The following DLG2 variants were observed in gnomAD, a reference collection of about 807,000 sequenced individuals.
DLG2 encodes discs large MAGUK scaffold protein 2, also known as disks large homolog 2.
In DLG2, 45 loss-of-function variants were observed where a neutral mutation model predicts 132.5. That is an observed-to-expected ratio of 0.34 (90% CI 0.27 to 0.44). The LOEUF (loss-of-function observed/expected upper bound fraction) is 0.44, where lower values mean the gene tolerates loss of function less well. Ranked by LOEUF, DLG2 falls within the 20% of genes least tolerant of loss-of-function variation. DLG2 has a pLI of 1.00. For synonymous variants in DLG2, 424 were observed against 419.6 expected (o/e 1.01, Z -0.13); for missense variants, 1,045 against 1,196.9 (o/e 0.87, Z 1.87).
At chr11:85,477,026 A>G (rs78206211) in intron 3 of DLG2, among the ~76,000 whole-genome samples, 3,839 of 152,266 alleles carry the variant, frequency 0.025, 78 homozygotes, top group South Asian at 0.056. Context: ...CAATACAATG[A>G]CAAGAGTAAT....
chr11:84,229,595 G>T (rs189779045), intron 8 of DLG2, among the ~76,000 whole-genome samples: 4 of 152,204 alleles, frequency 2.6e-5, no homozygotes. Context: ...AGAAGGTCTG[G>T]GTTGGGCCTC....
chr11:83,783,869 T>C (rs1000247495), intron 18 of DLG2, among the ~76,000 whole-genome samples: 5 of 152,156 alleles, frequency 3.3e-5, no homozygotes, highest in Admixed American at 3.3e-4. Flanking sequence ...GAAATACTGC[T>C]GCTAAGATCA....
chr11:85,344,968 CA>C (rs902549812), intron 3 of DLG2, among the ~76,000 whole-genome samples: 17 of 143,704 alleles, frequency 1.2e-4, no homozygotes, highest in East Asian at 2.0e-4. Context: ...TAATTTTAAA[CA>C]AAAAAAAAAC....
chr11:83,598,151 A>G (rs1407671432), intron 19 of DLG2, among the ~76,000 whole-genome samples: 2 of 152,242 alleles, frequency 1.3e-5, no homozygotes, highest in African/African-American at 4.8e-5. Flanking sequence ...TGCATGGGCA[A>G]GATGGCACAG....
chr11:84,154,608 C>T (rs1007469459), intron 9 of DLG2, among the ~76,000 whole-genome samples: 2 of 152,160 alleles, frequency 1.3e-5, no homozygotes, highest in Non-Finnish European at 2.9e-5. Flanking sequence ...AGTAACTCGT[C>T]ATTTACATTA....
At chr11:85,156,849 T>C (rs1316155255) in intron 4 of DLG2, among the ~76,000 whole-genome samples, 1 of 152,244 alleles carries the variant, frequency 6.6e-6, no homozygotes, top group Non-Finnish European at 1.5e-5. Context: ...GAGCCCTTAT[T>C]CATTGTTTGT....
intron 7 of DLG2, among the ~76,000 whole-genome samples, chr11:84,434,688 A>G (rs575652321): frequency 6.6e-6 from 1 of 152,276 alleles, no homozygotes; most frequent in Admixed American, 6.5e-5. Flanking sequence ...TTGTGATGCT[A>G]CTGAGTTCTA....
At chr11:83,617,151 C>T (rs2060943798) in intron 19 of DLG2, among the ~76,000 whole-genome samples, 1 of 152,118 alleles carries the variant, frequency 6.6e-6, no homozygotes, top group South Asian at 2.1e-4. Flanking sequence ...ATTAGAATCA[C>T]TTTGTCTAAT....
chr11:85,353,170 C>G (rs538592545), intron 3 of DLG2, among the ~76,000 whole-genome samples: 10 of 151,726 alleles, frequency 6.6e-5, no homozygotes, highest in Admixed American at 1.3e-4. Context: ...ATCAAAAAGT[C>G]GGCAAAGGAT....
chr11:85,289,712 T>A (rs1214002067), intron 3 of DLG2, among the ~76,000 whole-genome samples: 2 of 152,180 alleles, frequency 1.3e-5, no homozygotes, highest in Non-Finnish European at 2.9e-5. Context: ...TCTTCCTATA[T>A]TTAACGATGT....
intron 7 of DLG2, among the ~76,000 whole-genome samples, chr11:84,293,798 A>G (rs2098044925): frequency 6.6e-6 from 1 of 152,232 alleles, no homozygotes; most frequent in Non-Finnish European, 1.5e-5. Context: ...TGAAGAGATG[A>G]TTATATGGAC....
intron 10 of DLG2, among the ~76,000 whole-genome samples, chr11:84,083,051 G>A (rs138210174): frequency 0.012 from 1,839 of 152,192 alleles, 39 homozygotes; most frequent in African/African-American, 0.042. Context: ...AGGCCAAGGC[G>A]GGTAGATCAC....
intron 3 of DLG2, among the ~76,000 whole-genome samples, chr11:85,331,492 C>T (rs905290691): frequency 2.6e-5 from 4 of 152,024 alleles, no homozygotes; most frequent in East Asian, 1.9e-4. Context: ...TAGAATTGGG[C>T]GTGCATATGC....
At chr11:84,540,633 C>T (rs1203539705) in intron 6 of DLG2, among the ~76,000 whole-genome samples, 11 of 152,090 alleles carry the variant, frequency 7.2e-5, no homozygotes, top group Non-Finnish European at 1.5e-4. Flanking sequence ...GTCAGTGTGG[C>T]GATTCCTCAA....
intron 6 of DLG2, among the ~76,000 whole-genome samples, chr11:85,009,579 TC>T (rs1273093048): frequency 5.3e-5 from 8 of 152,138 alleles, no homozygotes; most frequent in African/African-American, 1.7e-4. Context: ...AAGATACTCC[TC>T]AAATTCATTT....
chr11:84,641,563 G>A (rs1218053191), intron 6 of DLG2, among the ~76,000 whole-genome samples: 2 of 152,076 alleles, frequency 1.3e-5, no homozygotes, highest in Non-Finnish European at 2.9e-5. Flanking sequence ...CAAACCTGGT[G>A]TTTTTCTGTA....
chr11:84,298,371 T>C (rs1240651058), intron 7 of DLG2, among the ~76,000 whole-genome samples: 1 of 152,216 alleles, frequency 6.6e-6, no homozygotes, highest in Non-Finnish European at 1.5e-5. Flanking sequence ...ACACTTAGAA[T>C]GATTGTCTGG....
intron 11 of DLG2, among the ~76,000 whole-genome samples, chr11:84,029,874 G>A (rs141969888): frequency 1.3e-5 from 2 of 152,182 alleles, no homozygotes; most frequent in Admixed American, 6.6e-5. Context: ...TATACATAAT[G>A]ACTCAGTTTA....
chr11:84,137,758 G>T (rs909792243), intron 9 of DLG2, among the ~76,000 whole-genome samples: 1 of 151,814 alleles, frequency 6.6e-6, no homozygotes, highest in African/African-American at 2.4e-5. Context: ...CCTTTCTCAG[G>T]ATTCTAAGAA....
Sources: allele counts gnomAD v4.1 joint callset (sites outside exome capture counted in the v4.1 genomes callset), GRCh38; gene constraint gnomAD v4.1.1; transcripts MANE v1.5; gene names NCBI Gene and HGNC (gene_info 2026-07-23, HGNC 2026-07-21).